ST6GALNAC5: variants seen among roughly 807,000 people sequenced by gnomAD.
The protein encoded by ST6GALNAC5 is alpha-N-acetylgalactosaminide alpha-2,6-sialyltransferase 5.
ST6GALNAC5 carries 27 observed loss-of-function variants against 33.6 expected under a neutral mutation model. That is an observed-to-expected ratio of 0.80 (90% CI 0.59 to 1.11). The LOEUF is 1.11. ST6GALNAC5 is among the 50% of genes least tolerant of loss of function. ST6GALNAC5 has a pLI of 0.00. For missense variants in ST6GALNAC5, 428 were observed against 454.0 expected (o/e 0.94, Z 0.52); for synonymous variants, 194 against 171.2 (o/e 1.13, Z -1.04).
At chr1:77,055,560 G>C (rs934581907) in intron 4 of ST6GALNAC5, among the ~76,000 whole-genome samples, 3 of 152,184 alleles carry the variant, frequency 2.0e-5, no homozygotes, top group Admixed American at 6.5e-5. Flanking sequence ...CATGGTCATA[G>C]GGCAAATAAA....
At chr1:76,896,329 G>A (rs867000890) in intron 2 of ST6GALNAC5, among the ~76,000 whole-genome samples, 3 of 152,136 alleles carry the variant, frequency 2.0e-5, no homozygotes, top group Admixed American at 6.5e-5. Flanking sequence ...GTAAATCCTC[G>A]AGCTTGATGT....
intron 2 of ST6GALNAC5, among the ~76,000 whole-genome samples, chr1:76,984,733 T>C (rs1382020397): frequency 6.6e-6 from 1 of 152,186 alleles, no homozygotes; most frequent in Non-Finnish European, 1.5e-5. Flanking sequence ...TTTAGATGAA[T>C]ATTCCCAATG....
At chr1:76,919,624 GTA>G (rs1466636160) in intron 2 of ST6GALNAC5, among the ~76,000 whole-genome samples, 2 of 152,168 alleles carry the variant, frequency 1.3e-5, no homozygotes, top group Non-Finnish European at 2.9e-5. Context: ...TTTAGAACCT[GTA>G]TTAATTCATC....
chr1:77,050,327 G>A lies in ST6GALNAC5; in HGVS notation c.741G>A (p.Arg247=), dbSNP rs1652179158. The change falls in exon 4 of 5, where the codon AGG becomes AGA. Residue 247 remains arginine, a synonymous_variant. Transcript: ENST00000477717. ...CAATTGCACTGGAGCTCTGTGACAGGATCAATGTTTATGGCATGGTGCCCC... is the reference window on the plus strand; with the variant it reads ...CAATTGCACTGGAGCTCTGTGACAGAATCAATGTTTATGGCATGGTGCCCC... ...TMTIALELCD[R]INVYGMVPPD... is the part of the protein sequence containing the mutation. The A allele has an allele frequency of 6.2e-7, 1 of 1,614,052 alleles. No individual in the cohort carries two copies.
At chr1:76,925,065 G>A (rs1033999521) in intron 2 of ST6GALNAC5, among the ~76,000 whole-genome samples, 1 of 152,076 alleles carries the variant, frequency 6.6e-6, no homozygotes, top group African/African-American at 2.4e-5. Context: ...TGAAGGGGGA[G>A]CCAGGGCATC....
chr1:77,032,545 CTT>C (rs1006026352), intron 2 of ST6GALNAC5, among the ~76,000 whole-genome samples: 3 of 152,094 alleles, frequency 2.0e-5, no homozygotes, highest in African/African-American at 7.2e-5. Context: ...ACATGGCTCT[CTT>C]TATATCTGTA....
chr1:76,971,366 C>G (rs551618100), intron 2 of ST6GALNAC5, among the ~76,000 whole-genome samples: 3 of 152,058 alleles, frequency 2.0e-5, no homozygotes, highest in Non-Finnish European at 1.5e-5. Flanking sequence ...GGGCCCAGAG[C>G]GAGGAGAGTA....
chr1:76,946,269 G>A (rs564432449), intron 2 of ST6GALNAC5, among the ~76,000 whole-genome samples: 1 of 152,122 alleles, frequency 6.6e-6, no homozygotes, highest in South Asian at 2.1e-4. Context: ...TTCTGACCTC[G>A]TTCCCAAGAC....
intron 3 of ST6GALNAC5, among the ~76,000 whole-genome samples, chr1:77,049,742 G>A (rs1462327746): frequency 6.6e-6 from 1 of 152,164 alleles, no homozygotes; most frequent in Admixed American, 6.5e-5. Context: ...CAATCAAGAT[G>A]TTGGTGTTAG....
At chr1:76,913,118 T>C (rs1173139119) in intron 2 of ST6GALNAC5, among the ~76,000 whole-genome samples, 1 of 152,014 alleles carries the variant, frequency 6.6e-6, no homozygotes, top group Non-Finnish European at 1.5e-5. Flanking sequence ...GGCCTGGTGG[T>C]GACAAAATCT....
At chr1:76,951,747 A>G (rs1263963668) in intron 2 of ST6GALNAC5, among the ~76,000 whole-genome samples, 1 of 152,076 alleles carries the variant, frequency 6.6e-6, no homozygotes, top group Non-Finnish European at 1.5e-5. Context: ...ATAACAATAA[A>G]ATGTTCAGTA....
At chr1:77,033,046 C>A (rs192532177) in intron 2 of ST6GALNAC5, among the ~76,000 whole-genome samples, 63 of 152,308 alleles carry the variant, frequency 4.1e-4, no homozygotes, top group Non-Finnish European at 7.9e-4. Flanking sequence ...TATGTCCAAT[C>A]TCTTCCTAGA....
At chr1:77,053,776 G>T (rs1268189295) in intron 4 of ST6GALNAC5, among the ~76,000 whole-genome samples, 2 of 152,182 alleles carry the variant, frequency 1.3e-5, no homozygotes, top group Non-Finnish European at 2.9e-5. Flanking sequence ...GGGGTGAAAG[G>T]ATTCACTGAT....
At chr1:76,961,093 A>C (rs1648219182) in intron 2 of ST6GALNAC5, among the ~76,000 whole-genome samples, 1 of 152,194 alleles carries the variant, frequency 6.6e-6, no homozygotes, top group Non-Finnish European at 1.5e-5. Flanking sequence ...CAGGCATAAG[A>C]AATTATAAAA....
intron 2 of ST6GALNAC5, among the ~76,000 whole-genome samples, chr1:76,978,249 A>G (rs955632783): frequency 6.6e-6 from 1 of 152,178 alleles, no homozygotes; most frequent in Non-Finnish European, 1.5e-5. Flanking sequence ...TAGTTCACAC[A>G]TACTTTCTCC....
chr1:76,895,801 G>A (rs1481573542), intron 2 of ST6GALNAC5, among the ~76,000 whole-genome samples: 4 of 152,162 alleles, frequency 2.6e-5, no homozygotes, highest in Non-Finnish European at 5.9e-5. Context: ...AGTTTTTTGG[G>A]GGCACAGTCT....
chr1:77,044,469 A>G lies in ST6GALNAC5; in HGVS notation c.527A>G (p.Tyr176Cys), dbSNP rs372192396. 1 of 1,613,330 alleles carries G rather than the reference A, an allele frequency of 6.2e-7. No homozygotes were observed. The highest frequency in any genetic ancestry group is 1.3e-5 in the African/African-American group (1 of 74,906). ...TVFIFWGPSS[Y>C]MRRDGKGQVY... ...TTCATCTTCTGGGGCCCCAGCAGCT[A>G]CATGCGGCGGGACGGCAAGGGCCAG... Residue 176 changes from tyrosine to cysteine, a missense_variant, in exon 3 of 5, where the codon TAC becomes TGC. Transcript: ENST00000477717.
intron 2 of ST6GALNAC5, among the ~76,000 whole-genome samples, chr1:77,040,093 C>T (rs1241141070): frequency 6.6e-6 from 1 of 152,136 alleles, no homozygotes; most frequent in Non-Finnish European, 1.5e-5. Flanking sequence ...GAGGACTGTA[C>T]CAAATCATGA....
chr1:76,871,919 A>G (rs1653513435), intron 2 of ST6GALNAC5, among the ~76,000 whole-genome samples: 2 of 152,126 alleles, frequency 1.3e-5, no homozygotes, highest in African/African-American at 2.4e-5. Flanking sequence ...GTCTTCAGGT[A>G]CTATATCTGT....
Sources: allele counts gnomAD v4.1 joint callset (sites outside exome capture counted in the v4.1 genomes callset), GRCh38; gene constraint gnomAD v4.1.1; transcripts MANE v1.5; gene names NCBI Gene and HGNC (gene_info 2026-07-23, HGNC 2026-07-21).